ZNF689: variants seen among roughly 807,000 people sequenced by gnomAD.
ZNF689 encodes the protein short ORF-encoded histone-binding protein.
ZNF689 carries 14 observed loss-of-function variants against 37.2 expected under a neutral mutation model. The observed-to-expected ratio is 0.38, with a 90% CI of 0.25 to 0.59. The LOEUF is 0.59. ZNF689 is among the 20% of genes least tolerant of loss of function. The pLI is 0.68. For synonymous variants in ZNF689, 277 were observed against 283.3 expected, an observed-to-expected ratio of 0.98 and a Z score of 0.22; for missense variants, 573 against 700.2, an observed-to-expected ratio of 0.82 and a Z score of 2.05.
At chr16:30,606,889 A>G (rs1268358149) in intron 2 of ZNF689, among the ~76,000 whole-genome samples, 1 of 152,158 alleles carries the variant, frequency 6.6e-6, no homozygotes, top group Non-Finnish European at 1.5e-5. Flanking sequence ...TTATGTCAGC[A>G]AATCTTTTTT....
chr16:30,609,473 G>C, intron 2 of ZNF689, 52 bp downstream of exon 2: 1 of 1,544,730 alleles, frequency 6.5e-7, no homozygotes, highest in Non-Finnish European at 8.9e-7. Context: ...AGCCGTTAGA[G>C]GTAGAACGTT....
chr16:30,609,053 C>T (rs1032163704), intron 2 of ZNF689, among the ~76,000 whole-genome samples: 3 of 152,114 alleles, frequency 2.0e-5, no homozygotes, highest in African/African-American at 7.2e-5. Context: ...ACCCAGAAAA[C>T]TCTGAGAAGT....
Position 30,605,446 on chromosome 16 carries a change from T to G in ZNF689, c.321A>C (p.Lys107Asn), listed in dbSNP as rs571332894. The change falls in exon 3 of 3, where the codon AAA becomes AAC. Residue 107 changes from lysine (K) to asparagine (N), a missense_variant and splice_region_variant. Physicochemically the swap from Lys to Asn is moderately conservative, Grantham distance 94 (BLOSUM62 0). Transcript: ENST00000287461. The surrounding 1 kb of genome is among the most constrained non-coding windows in gnomAD (Gnocchi z 5.1). ...EYPRGLTVQR[K>N]SRTRKKNGEK... ...CCCCATTCTTCTTTCTGGTTCTGCT[T>G]TCTATAGAAATACAGAAGCATTAAT... 7 of 1,610,594 alleles carry G rather than the reference T, an allele frequency of 4.3e-6. No homozygotes were observed. The South Asian group carries it at 6.6e-5, about 15-fold the overall frequency.
chr16:30,609,824 G>C lies in ZNF689; in HGVS notation c.205+13C>G. 6.3e-7 allele frequency: 1 copy of C among 1,594,044 alleles called. No individual in the cohort carries two copies. The highest frequency in any genetic ancestry group is 8.5e-7 in the Non-Finnish European group (1 of 1,171,822). On this transcript the variant is annotated intron_variant, in intron 1 of 2. Coordinates refer to ENST00000287461, the MANE Select transcript of ZNF689 (RefSeq NM_138447.3). ...CCTTCGCGCCCCGCGGCAGCGGATG[G>C]GGCCGGCCTCACCGAGCGCGCCCAG...
chr16:30,604,443 T>A lies in ZNF689; in HGVS notation c.1324A>T (p.Ser442Cys). ...DLCSKRFAQW[S>C]HLAQHQLLHT... ...AGCAGCTGGTGCTGGGCCAGGTGGC[T>A]CCACTGAGCAAAACGCTTGGAGCAA... The change falls in exon 3 of 3, where the codon AGC becomes TGC. Residue 442 changes from serine to cysteine, a missense_variant. This residue lies in a region of ZNF689 where 317 missense variants were observed against 367.1 expected (regional missense o/e 0.86). Transcript: ENST00000287461. This position sits in a 1 kb window ranked among gnomAD's most constrained non-coding sequence, Gnocchi z 5.2. 2 of 1,612,706 alleles carry A rather than the reference T, an allele frequency of 1.2e-6. No individual in the cohort carries two copies. Among genetic ancestry groups the A allele is most frequent in the Non-Finnish European group, 1.7e-6 (2 of 1,179,558 alleles).
chr16:30,610,633 C>G (rs2052089145), upstream of ZNF689: 1 of 152,888 alleles, frequency 6.5e-6, no homozygotes, highest in African/African-American at 2.4e-5. Flanking sequence ...CTGTTCGACT[C>G]TGGCAGGCTC....
At position 30,605,332 on chromosome 16, in the gene ZNF689, C is replaced by T. The variant is rs1321528317; in HGVS notation, c.435G>A (p.Thr145=). 9.9e-6 allele frequency: 16 copies of T among 1,612,754 alleles called. No homozygotes were observed. Among genetic ancestry groups the T allele is most frequent in the African/African-American group, 2.7e-5 (2 of 74,864 alleles). The stretch of plus-strand genomic sequence containing the variant: ...AGTCAGGGCAGATGGGGCCCCCGGA[C>T]GTCTGCCTAGGAATCAGTCGGGGTT... ...PSKPRLIPRQ[T]SGGPICPDCG... The change falls in exon 3 of 3, where the codon ACG becomes ACA. Residue 145 remains threonine (T), a synonymous_variant. Transcript: ENST00000287461. This position sits in a 1 kb window ranked among gnomAD's most constrained non-coding sequence, Gnocchi z 5.1.
At chr16:30,607,441 A>C (rs1409300947) in intron 2 of ZNF689, among the ~76,000 whole-genome samples, 2 of 150,872 alleles carry the variant, frequency 1.3e-5, no homozygotes, top group Non-Finnish European at 3.0e-5. Context: ...AAATACAAAA[A>C]TTAGCCGTGC....
At chr16:30,609,792 C>T in intron 1 of ZNF689, 45 bp downstream of exon 1, 1 of 1,574,550 alleles carries the variant, frequency 6.4e-7, no homozygotes, top group Non-Finnish European at 8.6e-7. Flanking sequence ...TCTCCGGCTC[C>T]TGCATCCCTT....
Position 30,604,039 on chromosome 16 carries a change from T to G in ZNF689, c.*225A>C, listed in dbSNP as rs555167372. On this transcript the variant is annotated 3_prime_UTR_variant, in exon 3 of 3. Coordinates refer to ENST00000287461, the MANE Select transcript of ZNF689 (RefSeq NM_138447.3). This position sits in a 1 kb window ranked among gnomAD's most constrained non-coding sequence, Gnocchi z 5.2. The stretch of plus-strand genomic sequence containing the variant: ...GATATCCACACAAACTATTTTAGGA[T>G]AGGGTAGCTTGGAAAACTTTAAGCA... The G allele has an allele frequency of 2.9e-6, 2 of 694,446 alleles. No individual in the cohort carries two copies. The highest frequency in any genetic ancestry group is 2.0e-5 in the Admixed American group (1 of 49,496). The allele number at this position is 694,446 out of a possible 1,614,324, so 43.0% of individuals were successfully genotyped here. A position where few individuals can be genotyped will look rare whatever the true frequency, so the allele number is the denominator to read the frequency against.
rs1434202259 is a variant in ZNF689, at chr16:30,603,300, A to C, written c.*964T>G. ...GCAACCTTCTCCCAGAGCTGACTAC[A>C]CTTATGTCTCATACCCAGCTTGAAC... On this transcript the variant is annotated 3_prime_UTR_variant, in exon 3 of 3. Coordinates refer to ENST00000287461, the MANE Select transcript of ZNF689 (RefSeq NM_138447.3). 3 of 151,408 alleles carry C rather than the reference A, an allele frequency of 2.0e-5. No homozygotes were observed. Among genetic ancestry groups the C allele is most frequent in the Non-Finnish European group, 2.9e-5 (2 of 67,964 alleles). 9.4% of individuals were successfully genotyped at this position (151,408 alleles called of 1,614,324 possible). A position where few individuals can be genotyped will look rare whatever the true frequency, so the allele number is the denominator to read the frequency against.
rs1310662097 is a variant in ZNF689 at position 30,604,532 on chromosome 16, T to C, written c.1235A>G (p.Tyr412Cys). The stretch of plus-strand genomic sequence containing the variant: ...CCGGTGGCTGGCCAGCAGTGAGGGG[T>C]AGGCAAAGCGGCGACCACAGTCGTC... Reference protein sequence around the residue: ...ACDDCGRRFAYPSLLASHRRV... With the variant: ...ACDDCGRRFACPSLLASHRRV... Residue 412 changes from tyrosine to cysteine, a missense_variant, in exon 3 of 3, where the codon TAC becomes TGC. Transcript: ENST00000287461. The surrounding 1 kb of genome is among the most constrained non-coding windows in gnomAD (Gnocchi z 5.2). 3.8e-6 allele frequency: 6 copies of C among 1,581,718 alleles called. No homozygotes were observed. The highest frequency in any genetic ancestry group is 5.1e-6 in the Non-Finnish European group (6 of 1,166,758).
intron 2 of ZNF689, among the ~76,000 whole-genome samples, chr16:30,606,662 A>G (rs1469347251): frequency 6.6e-6 from 1 of 151,930 alleles, no homozygotes; most frequent in Admixed American, 6.6e-5. Flanking sequence ...CACTATGCCC[A>G]GCTAATTTTT....
In ZNF689 at chr16:30,604,810, G is replaced by A; in HGVS notation, c.957C>T (p.Cys319=). ...RIHTGEKPYP[C]PDCERRFSSS... ...AGGAGAAGCGCCGCTCGCAGTCCGG[G>A]CACGGGTAGGGCTTCTCGCCCGTGT... Residue 319 remains cysteine, a synonymous_variant, in exon 3 of 3, where the codon TGC becomes TGT. Coordinates refer to ENST00000287461, the MANE Select transcript of ZNF689 (RefSeq NM_138447.3). This position sits in a 1 kb window ranked among gnomAD's most constrained non-coding sequence, Gnocchi z 5.2. 1 of 1,609,624 alleles carries A rather than the reference G, an allele frequency of 6.2e-7. No homozygotes were observed. The highest frequency in any genetic ancestry group is 8.5e-7 in the Non-Finnish European group (1 of 1,177,554).
chr16:30,603,889 G>A lies in ZNF689; in HGVS notation c.*375C>T. 5.4e-6 allele frequency: 2 copies of A among 369,380 alleles called. No individual in the cohort carries two copies. The highest frequency in any genetic ancestry group is 4.4e-5 in the South Asian group (2 of 45,646). The allele number at this position is 369,380 out of a possible 1,614,324, so 22.9% of individuals were successfully genotyped here. On this transcript the variant is annotated 3_prime_UTR_variant, in exon 3 of 3. Coordinates refer to ENST00000287461, the MANE Select transcript of ZNF689 (RefSeq NM_138447.3). ...CCAACCTAGTATGGAGGAAGAGGCA[G>A]AGTAGGGGAAGGTCCTGCCCCTATG... is the stretch of plus-strand genomic sequence containing the variant.
rs1186002866 is a variant in ZNF689, at chr16:30,609,932, T to G, written c.110A>C (p.Tyr37Ser). 6.2e-7 allele frequency: 1 copy of G among 1,612,634 alleles called. No homozygotes were observed. The highest frequency in any genetic ancestry group is 1.3e-5 in the African/African-American group (1 of 74,912). The stretch of plus-strand genomic sequence containing the variant: ...GCAGCCCCACTCCTCCGGGGAGAAG[T>G]ACACGGCCACGTCCACGAACTTCAG... ...RALKFVDVAVYFSPEEWGCLR... is the reference protein window; with the variant it reads ...RALKFVDVAVSFSPEEWGCLR... Residue 37 changes from tyrosine to serine, a missense_variant, in exon 1 of 3, where the codon TAC becomes TCC. By Grantham distance (144) the Tyr-to-Ser change is moderately radical. Transcript: ENST00000287461.
At chr16:30,607,098 A>G (rs1231716094) in intron 2 of ZNF689, among the ~76,000 whole-genome samples, 1 of 150,604 alleles carries the variant, frequency 6.6e-6, no homozygotes, top group Non-Finnish European at 1.5e-5. Context: ...AAAAATATAA[A>G]AATTAGCTGG....
Position 30,610,111 on chromosome 16 carries a change from G to A in ZNF689, c.-70C>T. ...GGCCCTCGGGCGCTGGCGGCCCCTG[G>A]GATCGAGGAGCCCCTGCCGGACCAG... On this transcript the variant is annotated 5_prime_UTR_variant, in exon 1 of 3. Coordinates refer to ENST00000287461, the MANE Select transcript of ZNF689 (RefSeq NM_138447.3). 1 of 1,498,126 alleles carries A rather than the reference G, an allele frequency of 6.7e-7. No individual in the cohort carries two copies. Among genetic ancestry groups the A allele is most frequent in the Non-Finnish European group, 8.9e-7 (1 of 1,120,586 alleles). The allele number at this position is 1,498,126 out of a possible 1,614,324, so 92.8% of individuals were successfully genotyped here.
rs1384671043 is a variant in ZNF689 at position 30,603,500 on chromosome 16, G to A, written c.*764C>T. ...CAGCCCCAGAAGGTGTAGTGGCACT[G>A]TGGTGTTACCTTATTTTTATATGAC... On this transcript the variant is annotated 3_prime_UTR_variant, in exon 3 of 3. Coordinates refer to ENST00000287461, the MANE Select transcript of ZNF689 (RefSeq NM_138447.3). The A allele has an allele frequency of 1.3e-5, 2 of 152,464 alleles. No homozygotes were observed. The highest frequency in any genetic ancestry group is 4.8e-5 in the African/African-American group (2 of 41,334). The allele number at this position is 152,464 out of a possible 1,614,324, so 9.4% of individuals were successfully genotyped here. A position where few individuals can be genotyped will look rare whatever the true frequency, so the allele number is the denominator to read the frequency against.
Sources: gnomAD v4.1 joint callset for allele counts (sites outside exome capture counted in the v4.1 genomes callset) on GRCh38, gnomAD v4.1.1 for gene constraint, gnomAD v4.1.1 regional missense constraint, Gnocchi (gnomAD v3.1) non-coding constraint, MANE v1.5 for transcripts, NCBI Gene and HGNC (gene_info 2026-07-23, HGNC 2026-07-21) for gene names.